The following GPR83 variants were observed in gnomAD, a reference collection of about 807,000 sequenced individuals.
The protein encoded by GPR83 is G protein-coupled receptor 83.
GPR83 carries 23 observed loss-of-function variants against 28.0 expected under a neutral mutation model. The observed-to-expected ratio is 0.82, with a 90% CI of 0.59 to 1.16. The LOEUF is 1.16. GPR83 is among the 50% of genes most tolerant of loss of function. The probability of loss-of-function intolerance (pLI) is 0.00; values close to 1 mark genes in which losing one functional copy is unlikely to be tolerated. For synonymous variants in GPR83, 234 were observed against 215.4 expected (o/e 1.09, Z -0.76); for missense variants, 610 against 536.6 (o/e 1.14, Z -1.35).
At chr11:94,399,765 A>G (rs144846116) in intron 1 of GPR83, among the ~76,000 whole-genome samples, 1 of 152,358 alleles carries the variant, frequency 6.6e-6, no homozygotes, top group African/African-American at 2.4e-5. Flanking sequence ...GTTATTCCAT[A>G]AAATGAAAAA....
At chr11:94,392,953 C>G (rs189744572) in intron 3 of GPR83, among the ~76,000 whole-genome samples, 1 of 151,842 alleles carries the variant, frequency 6.6e-6, no homozygotes, top group African/African-American at 2.4e-5. Flanking sequence ...CAATTCTTCC[C>G]AAACTGACAG....
chr11:94,380,596 C>T lies in GPR83; in HGVS notation c.825G>A (p.Val275=). ...KLWLCNMIGD[V]TTEQYFALRR... ...GCAGGGCAAAGTACTGCTCTGTGGT[C>T]ACATCGCCAATCATATTACACAGCC... is the stretch of plus-strand genomic sequence containing the variant. The change falls in exon 4 of 4, where the codon GTG becomes GTA. Residue 275 remains valine (V), a synonymous_variant. Coordinates refer to ENST00000243673, the MANE Select transcript of GPR83 (RefSeq NM_016540.4). The T allele has an allele frequency of 6.8e-6, 11 of 1,614,080 alleles. No individual in the cohort carries two copies. The highest frequency in any genetic ancestry group is 9.3e-6 in the Non-Finnish European group (11 of 1,180,004).
intron 1 of GPR83, among the ~76,000 whole-genome samples, chr11:94,399,188 G>A (rs2134698141): frequency 6.6e-6 from 1 of 152,302 alleles, no homozygotes; most frequent in Middle Eastern, 3.4e-3. Context: ...GAAACCAAGG[G>A]AGGCGCCAAC....
intron 3 of GPR83, among the ~76,000 whole-genome samples, chr11:94,383,225 C>T (rs1254073375): frequency 4.0e-5 from 6 of 150,788 alleles, no homozygotes; most frequent in South Asian, 2.1e-4. Context: ...CAACCAGCTA[C>T]GAAATGCCTA....
chr11:94,387,112 A>C (rs1455376923), intron 3 of GPR83, among the ~76,000 whole-genome samples: 1 of 152,220 alleles, frequency 6.6e-6, no homozygotes, highest in Non-Finnish European at 1.5e-5. Context: ...AGAAATAAAG[A>C]TGTTCTCTGA....
At chr11:94,393,130 T>C (rs1434685121) in intron 3 of GPR83, among the ~76,000 whole-genome samples, 1 of 152,180 alleles carries the variant, frequency 6.6e-6, no homozygotes, top group Non-Finnish European at 1.5e-5. Context: ...TGTTTGTAGA[T>C]AGTGTGAGAG....
In GPR83 at chr11:94,390,412, T is replaced by C. The variant is rs573492534; in HGVS notation, c.647+3073A>G. 2.4e-4 allele frequency among the ~76,000 whole-genome samples: 37 copies of C among 152,098 alleles called. No individual in the cohort carries two copies. In the East Asian group the frequency reaches 6.8e-3, roughly 28 times the overall value. On this transcript the variant is annotated intron_variant, in intron 3 of 3. Coordinates refer to ENST00000243673, the MANE Select transcript of GPR83 (RefSeq NM_016540.4). ...GAAGCATTCCCTTTGAAAACTGGCATAAAATAAGGATGCCGTCTCTCACCA... is the reference window on the plus strand; with the variant it reads ...GAAGCATTCCCTTTGAAAACTGGCACAAAATAAGGATGCCGTCTCTCACCA...
chr11:94,380,706 G>T lies in GPR83; in HGVS notation c.715C>A (p.Leu239Met), dbSNP rs767832453. 4.3e-6 allele frequency: 7 copies of T among 1,613,174 alleles called. No homozygotes were observed. The African/African-American group carries it at 6.7e-5, about 15-fold the overall frequency. ...AGCAGGATGAAGGTGGCCAAGTCCA[G>T]GTACTTCCAGAAGAGGTCAGCTGGC... ...PEPADLFWKY[L>M]DLATFILLYI... The change falls in exon 4 of 4, where the codon CTG becomes ATG. Residue 239 changes from leucine to methionine, a missense_variant. Leu to Met is a conservative substitution (Grantham distance 15, BLOSUM62 2). Transcript: ENST00000243673.
Position 94,379,991 on chromosome 11 carries a change from TG to T in GPR83, c.*157del. Reference sequence around the variant, plus strand: ...GGTGCCTTTTAGTTTTCACATCACATGGGGCTAGGAGGCTGGACAGTTTCCT... The same window carrying T: ...GGTGCCTTTTAGTTTTCACATCACATGGGCTAGGAGGCTGGACAGTTTCCT... On this transcript the variant is annotated 3_prime_UTR_variant, in exon 4 of 4. Coordinates refer to ENST00000243673, the MANE Select transcript of GPR83 (RefSeq NM_016540.4). 2 of 492,136 alleles carry T rather than the reference TG, an allele frequency of 4.1e-6. No individual in the cohort carries two copies. Among genetic ancestry groups the T allele is most frequent in the East Asian group, 3.2e-5 (1 of 31,566 alleles). 30.5% of individuals were successfully genotyped at this position (492,136 alleles called of 1,614,324 possible).
rs1005183217 is a variant in GPR83 at position 94,388,663 on chromosome 11, G to A, written c.647+4822C>T. Among the ~76,000 whole-genome samples, 126 of 152,218 alleles carry A rather than the reference G, an allele frequency of 8.3e-4. 2 individuals are homozygous for A. The highest frequency in any genetic ancestry group is 2.9e-3 in the African/African-American group (121 of 41,534). On this transcript the variant is annotated intron_variant, in intron 3 of 3. Coordinates refer to ENST00000243673, the MANE Select transcript of GPR83 (RefSeq NM_016540.4). ...GGAGAACTACAAACCACTGCTCAAG[G>A]AAATAAAAGAGGATACAAACAAATG...
intron 3 of GPR83, 87 bp from the exon 4 acceptor site, chr11:94,380,860 C>T: frequency 4.3e-6 from 5 of 1,157,638 alleles, no homozygotes; most frequent in Non-Finnish European, 6.1e-6. Context: ...GCACTGGCCT[C>T]TCCTTCCACT....
intron 3 of GPR83, among the ~76,000 whole-genome samples, chr11:94,386,582 G>A (rs565347376): frequency 2.9e-4 from 43 of 150,674 alleles, no homozygotes; most frequent in Non-Finnish European, 5.5e-4. Flanking sequence ...TAAACCAAAG[G>A]CCATTACATA....
intron 3 of GPR83, among the ~76,000 whole-genome samples, chr11:94,388,594 T>C (rs1189062042): frequency 6.6e-6 from 1 of 152,016 alleles, no homozygotes; most frequent in African/African-American, 2.4e-5. Flanking sequence ...GACAATAAAA[T>C]ACCTAGGAAT....
At chr11:94,395,225 A>C (rs924102499) in intron 2 of GPR83, among the ~76,000 whole-genome samples, 1 of 152,170 alleles carries the variant, frequency 6.6e-6, no homozygotes, top group African/African-American at 2.4e-5. Flanking sequence ...CATGAAACTC[A>C]TTACCTCCCA....
chr11:94,392,097 G>T (rs1193437113), intron 3 of GPR83, among the ~76,000 whole-genome samples: 1 of 152,072 alleles, frequency 6.6e-6, no homozygotes, highest in East Asian at 1.9e-4. Flanking sequence ...TGATAGACTG[G>T]ATAAAGAAAA....
At position 94,380,661 on chromosome 11, in the gene GPR83, T is replaced by G; in HGVS notation, c.760A>C (p.Ile254Leu). Residue 254 changes from isoleucine to leucine, a missense_variant, in exon 4 of 4, where the codon ATC becomes CTC. Ile to Leu is a conservative substitution (Grantham distance 5). Transcript: ENST00000243673. ...ACACGAGCGTAGGCCACAGAGATGATGAGGAGGGGCAGGATGTAGAGCAGG... is the reference window on the plus strand; with the variant it reads ...ACACGAGCGTAGGCCACAGAGATGAGGAGGAGGGGCAGGATGTAGAGCAGG... ...FILLYILPLL[I>L]ISVAYARVAK... The G allele has an allele frequency of 6.2e-7, 1 of 1,613,466 alleles. No individual in the cohort carries two copies.
chr11:94,401,145 C>T lies in GPR83; in HGVS notation c.103G>A (p.Val35Met). 1.2e-6 allele frequency: 2 copies of T among 1,614,166 alleles called. No individual in the cohort carries two copies. Among genetic ancestry groups the T allele is most frequent in the Non-Finnish European group, 1.7e-6 (2 of 1,180,032 alleles). Residue 35 changes from valine to methionine, a missense_variant, in exon 1 of 4, where the codon GTG (valine) becomes ATG (methionine). Coordinates refer to ENST00000243673, the MANE Select transcript of GPR83 (RefSeq NM_016540.4). ...GAGAAGAAGTGCGAGGCATTGGGCA[C>T]GGCCAGGGCCGCCTCCGCGCTCTGC... Reference protein sequence around the residue: ...DEQSAEAALAVPNASHFFSWN... With the variant: ...DEQSAEAALAMPNASHFFSWN...
chr11:94,401,298 C>G lies in GPR83; in HGVS notation c.-51G>C. 1.3e-6 allele frequency: 2 copies of G among 1,517,334 alleles called. No homozygotes were observed. The allele number at this position is 1,517,334 out of a possible 1,614,324, so 94.0% of individuals were successfully genotyped here. On this transcript the variant is annotated 5_prime_UTR_variant, in exon 1 of 4. Transcript: ENST00000243673. ...GAGCCTGCGGGCCGGGCGTCCCCTC[C>G]CGCTGGGATCGGAGCGCGCAGCCGG...
chr11:94,386,933 C>G (rs1273434178), intron 3 of GPR83, among the ~76,000 whole-genome samples: 3 of 152,174 alleles, frequency 2.0e-5, no homozygotes, highest in African/African-American at 7.2e-5. Flanking sequence ...GGAAGTAAAG[C>G]ACTCCTCAGC....
Sources: gnomAD v4.1 joint callset for allele counts (sites outside exome capture counted in the v4.1 genomes callset) on GRCh38, gnomAD v4.1.1 for gene constraint, MANE v1.5 for transcripts, NCBI Gene and HGNC (gene_info 2026-07-23, HGNC 2026-07-21) for gene names.